The following ARHGAP24 variants were observed in gnomAD, a reference collection of about 807,000 sequenced individuals.
The protein encoded by ARHGAP24 is Rho GTPase activating protein 24, also known as rho GTPase-activating protein 24.
In ARHGAP24, 50 loss-of-function variants were observed where a neutral mutation model predicts 76.4. The observed-to-expected ratio is 0.65, with a 90% CI of 0.52 to 0.83. ARHGAP24 has a LOEUF of 0.83. ARHGAP24 is among the 40% of genes least tolerant of loss of function. The probability of loss-of-function intolerance (pLI) is 0.00; values close to 1 mark genes in which losing one functional copy is unlikely to be tolerated. For missense variants in ARHGAP24, 930 were observed against 914.2 expected, an observed-to-expected ratio of 1.02 and a Z score of -0.22; for synonymous variants, 345 against 323.3, an observed-to-expected ratio of 1.07 and a Z score of -0.72.
chr4:85,800,621 C>T (rs1728539256), intron 3 of ARHGAP24, among the ~76,000 whole-genome samples: 1 of 151,942 alleles, frequency 6.6e-6, no homozygotes, highest in African/African-American at 2.4e-5. Context: ...AAAATATGCT[C>T]AAAGAAACTT....
At chr4:85,644,729 T>C (rs773810230) in intron 2 of ARHGAP24, among the ~76,000 whole-genome samples, 52 of 152,252 alleles carry the variant, frequency 3.4e-4, no homozygotes, top group Non-Finnish European at 5.9e-4. Flanking sequence ...TTAAATAATA[T>C]ATACAAATAC....
At chr4:85,986,217 G>A (rs1398636826) in intron 8 of ARHGAP24, among the ~76,000 whole-genome samples, 1 of 151,888 alleles carries the variant, frequency 6.6e-6, no homozygotes, top group Non-Finnish European at 1.5e-5. Flanking sequence ...AGCCATTAAT[G>A]ATATCCTTGC....
intron 2 of ARHGAP24, among the ~76,000 whole-genome samples, chr4:85,576,118 G>A (rs1727359446): frequency 6.6e-6 from 1 of 152,214 alleles, no homozygotes; most frequent in African/African-American, 2.4e-5. Context: ...AATGTGCAAG[G>A]ATTGATTGCT....
At position 85,540,263 on chromosome 4, in the gene ARHGAP24, T is replaced by A. The variant is rs1252332990; in HGVS notation, c.-20-30259T>A. On this transcript the variant is annotated intron_variant, in intron 1 of 9. Transcript: ENST00000395184. ...TATTTATAAATAAACACAAATAAAA[T>A]TTTTAAAAATCTAATGTAGTGGTAT... 3.9e-5 allele frequency among the ~76,000 whole-genome samples: 6 copies of A among 151,978 alleles called. No homozygotes were observed. In the East Asian group the frequency reaches 1.2e-3, roughly 29 times the overall value.
chr4:85,680,257 A>C (rs1037205520), intron 2 of ARHGAP24, among the ~76,000 whole-genome samples: 1 of 152,220 alleles, frequency 6.6e-6, no homozygotes, highest in Non-Finnish European at 1.5e-5. Flanking sequence ...TATATCCTTG[A>C]ACAACTCTCA....
chr4:85,642,974 C>T (rs1185527581), intron 2 of ARHGAP24, among the ~76,000 whole-genome samples: 1 of 152,150 alleles, frequency 6.6e-6, no homozygotes, highest in Non-Finnish European at 1.5e-5. Flanking sequence ...CTTGATCACT[C>T]TCCTCAGCCG....
chr4:85,970,512 G>T (rs991544542), intron 5 of ARHGAP24, among the ~76,000 whole-genome samples: 6 of 152,052 alleles, frequency 3.9e-5, no homozygotes, highest in Non-Finnish European at 8.8e-5. Context: ...TAGCCCAGGG[G>T]TTTCTATAAT....
At chr4:85,966,252 A>G (rs1205298679) in intron 5 of ARHGAP24, among the ~76,000 whole-genome samples, 1 of 152,156 alleles carries the variant, frequency 6.6e-6, no homozygotes, top group African/African-American at 2.4e-5. Context: ...CCTATCTCCA[A>G]GTACCATTAC....
intron 6 of ARHGAP24, among the ~76,000 whole-genome samples, chr4:85,973,833 GTTTTTTTTT>G (rs1199796194): frequency 1.4e-4 from 6 of 42,824 alleles, no homozygotes; most frequent in African/African-American, 5.2e-4. Flanking sequence ...GCTGCCTATT[GTTTTTTTTT>G]TTTTTTTTTT....
intron 2 of ARHGAP24, among the ~76,000 whole-genome samples, chr4:85,580,516 C>G (rs1228242230): frequency 6.6e-6 from 1 of 152,162 alleles, no homozygotes; most frequent in Non-Finnish European, 1.5e-5. Flanking sequence ...CATGAACTCA[C>G]TAGAAATCCA....
At chr4:85,655,453 T>C (rs1209419376) in intron 2 of ARHGAP24, among the ~76,000 whole-genome samples, 1 of 152,056 alleles carries the variant, frequency 6.6e-6, no homozygotes, top group Admixed American at 6.6e-5. Flanking sequence ...AAAATACTTA[T>C]GTAAAACTCT....
At chr4:85,606,545 T>C (rs2109992071) in intron 2 of ARHGAP24, among the ~76,000 whole-genome samples, 1 of 151,626 alleles carries the variant, frequency 6.6e-6, no homozygotes, top group South Asian at 2.1e-4. Context: ...AAGGATAAGA[T>C]AAAGATTTTT....
intron 3 of ARHGAP24, among the ~76,000 whole-genome samples, chr4:85,915,259 G>A (rs1735314880): frequency 6.6e-6 from 1 of 152,116 alleles, no homozygotes; most frequent in Non-Finnish European, 1.5e-5. Flanking sequence ...GAAGGAATAA[G>A]TCCAAGAAAT....
intron 3 of ARHGAP24, among the ~76,000 whole-genome samples, chr4:85,763,854 A>G (rs1443888007): frequency 6.6e-6 from 1 of 152,214 alleles, no homozygotes; most frequent in Non-Finnish European, 1.5e-5. Flanking sequence ...CAGGCATACA[A>G]GAACTAGAGT....
At chr4:85,781,999 T>C (rs1355700405) in intron 3 of ARHGAP24, among the ~76,000 whole-genome samples, 1 of 136,476 alleles carries the variant, frequency 7.3e-6, no homozygotes, top group East Asian at 2.2e-4. Context: ...ATCACACCAC[T>C]GCACTCCAAT....
intron 1 of ARHGAP24, among the ~76,000 whole-genome samples, chr4:85,562,577 C>T (rs1451167070): frequency 6.6e-6 from 1 of 152,130 alleles, no homozygotes; most frequent in African/African-American, 2.4e-5. Flanking sequence ...TTGACTCTTG[C>T]CCCTTCTCTC....
At chr4:85,888,418 AG>A (rs1205966783) in intron 3 of ARHGAP24, among the ~76,000 whole-genome samples, 6 of 139,044 alleles carry the variant, frequency 4.3e-5, no homozygotes, top group African/African-American at 1.6e-4. Context: ...AAAAAAAAAA[AG>A]AAAGAAAGAA....
chr4:85,955,569 C>T (rs1737862678), intron 5 of ARHGAP24, among the ~76,000 whole-genome samples: 1 of 152,162 alleles, frequency 6.6e-6, no homozygotes, highest in Admixed American at 6.5e-5. Context: ...AGCTACATAA[C>T]TCCAACCTCT....
intron 1 of ARHGAP24, 102 bp downstream of exon 1, chr4:85,475,661 TGCG>T (rs1722555197): frequency 5.0e-5 from 1 of 20,144 alleles, no homozygotes; most frequent in Non-Finnish European, 1.1e-4. Flanking sequence ...GGGAGGGGGC[TGCG>T]GGGGGCGGGG....
Sources: allele counts gnomAD v4.1 joint callset (sites outside exome capture counted in the v4.1 genomes callset), GRCh38; gene constraint gnomAD v4.1.1; transcripts MANE v1.5; gene names NCBI Gene and HGNC (gene_info 2026-07-23, HGNC 2026-07-21).